The following TCF3 variants were observed in gnomAD, a reference collection of about 807,000 sequenced individuals.
TCF3 encodes transcription factor E2-alpha.
TCF3 carries 54 observed loss-of-function variants against 72.3 expected under a neutral mutation model. That is an observed-to-expected ratio of 0.75 (90% CI 0.60 to 0.94). TCF3 has a LOEUF of 0.94. TCF3 is among the 40% of genes least tolerant of loss of function. TCF3 has a pLI of 0.00. For synonymous variants in TCF3, 525 were observed against 412.6 expected, an observed-to-expected ratio of 1.27 and a Z score of -3.30; for missense variants, 1,078 against 934.4, an observed-to-expected ratio of 1.15 and a Z score of -2.00.
chr19:1,624,654 G>T (rs1377427874), intron 7 of TCF3, among the ~76,000 whole-genome samples: 2 of 152,150 alleles, frequency 1.3e-5, no homozygotes, highest in Non-Finnish European at 2.9e-5. Context: ...GATAAAATCC[G>T]TAACCCGGAA....
intron 8 of TCF3, among the ~76,000 whole-genome samples, chr19:1,622,948 T>C (rs1342912847): frequency 6.6e-6 from 1 of 152,192 alleles, no homozygotes; most frequent in Non-Finnish European, 1.5e-5. Flanking sequence ...TCTGCTGCTG[T>C]GCTGGAGCGG....
chr19:1,631,869 C>A, intron 5 of TCF3, 169 bp downstream of exon 5: 1 of 1,509,044 alleles, frequency 6.6e-7, no homozygotes, highest in Non-Finnish European at 8.9e-7. Context: ...GGGCCACGTC[C>A]CCTGCACCTC....
intron 2 of TCF3, among the ~76,000 whole-genome samples, chr19:1,649,424 CTTT>C (rs60366607): frequency 0.19 from 28,667 of 152,118 alleles, 2,861 homozygotes; most frequent in East Asian, 0.27. Flanking sequence ...TCCTTTACTT[CTTT>C]GAGGAAGGAT....
chr19:1,619,952 G>A, intron 13 of TCF3, 99 bp from the exon 14 acceptor site: 2 of 1,095,838 alleles, frequency 1.8e-6, no homozygotes, highest in Admixed American at 2.1e-5. Flanking sequence ...CGCCTGTCCA[G>A]CCTCCGGTGA....
chr19:1,645,926 C>T (rs958380412), intron 3 of TCF3, among the ~76,000 whole-genome samples: 5 of 152,142 alleles, frequency 3.3e-5, no homozygotes, highest in Non-Finnish European at 5.9e-5. Context: ...AAATGAAAGT[C>T]GTCGAGGCTC....
chr19:1,615,918 A>G lies in TCF3; in HGVS notation c.1451-97T>C. The G allele has an allele frequency of 7.1e-7, 1 of 1,415,474 alleles. No individual in the cohort carries two copies. 87.7% of individuals were successfully genotyped at this position (1,415,474 alleles called of 1,614,324 possible). A position where few individuals can be genotyped will look rare whatever the true frequency, so the allele number is the denominator to read the frequency against. On this transcript the variant is annotated intron_variant, in intron 16 of 18. Transcript: ENST00000262965. This position sits in a 1 kb window ranked among gnomAD's most constrained non-coding sequence, Gnocchi z 7.3. ...TGGTGAGGGACTTGGGCTTTCCTGG[A>G]AAAACCAGGTCTTGGCCAAAAATAA...
chr19:1,621,827 AG>A lies in TCF3; in HGVS notation c.955+10del. The A allele has an allele frequency of 6.3e-7, 1 of 1,579,994 alleles. No individual in the cohort carries two copies. The highest frequency in any genetic ancestry group is 8.6e-7 in the Non-Finnish European group (1 of 1,164,298). On this transcript the variant is annotated intron_variant, in intron 11 of 18. Coordinates refer to ENST00000262965, the MANE Select transcript of TCF3 (RefSeq NM_003200.5). ...CCCTCGGAGAGGCCGCATCCCAGGG[AG>A]GGGCCATACCCAGGAGGCTGTCGGC...
rs373228083 is a variant in TCF3, at chr19:1,612,416, A to G, written c.1823-567T>C. On this transcript the variant is annotated intron_variant, in intron 18 of 18. Coordinates refer to ENST00000262965, the MANE Select transcript of TCF3 (RefSeq NM_003200.5). ...CCTCAGGTCTTTCTCCTCCAGGGAC[A>G]GCACCTCGTCCGTACTGCTGGGTCA... 5 of 1,612,482 alleles carry G rather than the reference A, an allele frequency of 3.1e-6. No individual in the cohort carries two copies. The highest frequency in any genetic ancestry group is 1.7e-4 in the Middle Eastern group (1 of 6,058).
chr19:1,647,716 C>A (rs1439832440), intron 2 of TCF3, among the ~76,000 whole-genome samples: 1 of 152,214 alleles, frequency 6.6e-6, no homozygotes, highest in East Asian at 1.9e-4. Flanking sequence ...AACTGCATTT[C>A]TATCTGCTTT....
Position 1,652,403 on chromosome 19 carries a change from T to C in TCF3, c.-143A>G, listed in dbSNP as rs1267792512. The C allele has an allele frequency of 8.0e-6, 1 of 125,762 alleles. No individual in the cohort carries two copies. Among genetic ancestry groups the C allele is most frequent in the East Asian group, 2.5e-4 (1 of 3,944 alleles). 7.8% of individuals were successfully genotyped at this position (125,762 alleles called of 1,614,324 possible). On this transcript the variant is annotated 5_prime_UTR_variant, in exon 1 of 19. Coordinates refer to ENST00000262965, the MANE Select transcript of TCF3 (RefSeq NM_003200.5). ...TGCGTCGCGGCCGGGCCCCCGAGGG[T>C]CGCGCGTGGGCGGCGGCGGCGGCGC...
chr19:1,629,588 G>A (rs1180829655), intron 5 of TCF3, among the ~76,000 whole-genome samples: 6 of 151,996 alleles, frequency 3.9e-5, no homozygotes, highest in African/African-American at 1.2e-4. Context: ...CTGCCGGGGC[G>A]AGCCCCCAGT....
intron 2 of TCF3, among the ~76,000 whole-genome samples, chr19:1,648,588 G>A (rs2066492520): frequency 6.6e-6 from 1 of 152,212 alleles, no homozygotes; most frequent in African/African-American, 2.4e-5. Flanking sequence ...CTCAGCCAGG[G>A]AAGCAAAAAT....
intron 18 of TCF3, among the ~76,000 whole-genome samples, chr19:1,613,369 G>C (rs2145781010): frequency 6.6e-6 from 1 of 152,256 alleles, no homozygotes; most frequent in South Asian, 2.1e-4. Flanking sequence ...CGTTTCTGTG[G>C]AGGGAGATGG....
chr19:1,627,221 GCCCAA>G, intron 6 of TCF3, 133 bp downstream of exon 6: 1 of 451,876 alleles, frequency 2.2e-6, no homozygotes, highest in Non-Finnish European at 3.9e-6. Flanking sequence ...GCCCACCCTG[GCCCAA>G]GCCCAGCCTG....
chr19:1,613,172 T>C (rs533375902), intron 18 of TCF3, among the ~76,000 whole-genome samples: 3 of 152,280 alleles, frequency 2.0e-5, no homozygotes, highest in Admixed American at 6.5e-5. Context: ...TGTTGTCACA[T>C]GCGTGAAAAT....
rs903652405 is a variant in TCF3 at position 1,615,001 on chromosome 19, G to C, written c.1822+284C>G. Among the ~76,000 whole-genome samples, 2 of 152,152 alleles carry C rather than the reference G, an allele frequency of 1.3e-5. No homozygotes were observed. Among genetic ancestry groups the C allele is most frequent in the African/African-American group, 4.8e-5 (2 of 41,436 alleles). On this transcript the variant is annotated intron_variant, in intron 18 of 18. Coordinates refer to ENST00000262965, the MANE Select transcript of TCF3 (RefSeq NM_003200.5). This position sits in a 1 kb window ranked among gnomAD's most constrained non-coding sequence, Gnocchi z 7.3. ...GAGCCCCGTGGAGCTGGGAGATACA[G>C]TTCTGAGCCACAGAGCCCAGGCCTG...
At chr19:1,631,468 C>T (rs945468952) in intron 5 of TCF3, among the ~76,000 whole-genome samples, 2 of 152,012 alleles carry the variant, frequency 1.3e-5, no homozygotes, top group African/African-American at 4.8e-5. Context: ...GGGGTTTCAC[C>T]ATGTTGGCCA....
intron 3 of TCF3, among the ~76,000 whole-genome samples, chr19:1,638,245 G>A (rs191164379): frequency 2.4e-4 from 36 of 152,352 alleles, no homozygotes; most frequent in East Asian, 1.9e-3. Flanking sequence ...GGAAACTGAC[G>A]CAAAAGATAG....
Position 1,632,114 on chromosome 19 carries a change from G to T in TCF3, c.222C>A (p.Thr74=). ...CAGTGAAGTGGGTGCCCTCGCTGAA[G>T]GTCTAGGGGAGATGGGGTGGGGATG... ...QSSSSFDPSR[T]FSEGTHFTES... is the part of the protein sequence containing the mutation. The change falls in exon 5 of 19, where the codon ACC becomes ACA. Residue 74 remains threonine, a splice_region_variant and synonymous_variant. Coordinates refer to ENST00000262965, the MANE Select transcript of TCF3 (RefSeq NM_003200.5). 6.2e-7 allele frequency: 1 copy of T among 1,612,878 alleles called. No individual in the cohort carries two copies. Among genetic ancestry groups the T allele is most frequent in the Non-Finnish European group, 8.5e-7 (1 of 1,179,546 alleles).
Sources: allele counts gnomAD v4.1 joint callset (sites outside exome capture counted in the v4.1 genomes callset), GRCh38; gene constraint gnomAD v4.1.1; non-coding constraint Gnocchi (gnomAD v3.1); transcripts MANE v1.5; gene names NCBI Gene and HGNC (gene_info 2026-07-23, HGNC 2026-07-21).